The following PEPD variants were observed in gnomAD, a reference collection of about 807,000 sequenced individuals.
The protein encoded by PEPD is peptidase D.
A neutral mutation model predicts 60.7 loss-of-function variants in PEPD; 53 were observed. That is an observed-to-expected ratio of 0.87 (90% CI 0.70 to 1.10). The LOEUF is 1.10. Ranked by LOEUF, PEPD falls within the 50% of genes least tolerant of loss-of-function variation. The pLI is 0.00. For synonymous variants in PEPD, 267 were observed against 284.1 expected, an observed-to-expected ratio of 0.94 and a Z score of 0.60; for missense variants, 711 against 711.9, an observed-to-expected ratio of 1.00 and a Z score of 0.01.
rs767078682 is a variant in PEPD, at chr19:33,413,588, A to G, written c.727T>C (p.Cys243Arg). 1.9e-6 allele frequency: 3 copies of G among 1,578,030 alleles called. No homozygotes were observed. The highest frequency in any genetic ancestry group is 1.2e-5 in the South Asian group (1 of 86,312). ...RGGMRHSSYT[C>R]ICGSGENSAV... is the part of the protein sequence containing the mutation. ...TGCCCCGCTTACCTGCCGCAGATGC[A>G]GGTGTAGGAGCTGTGGCGCATGCCG... The change falls in exon 10 of 15, where the codon TGC becomes CGC. Residue 243 changes from cysteine (C) to arginine (R), a missense_variant. Coordinates refer to ENST00000244137, the MANE Select transcript of PEPD (RefSeq NM_000285.4).
intron 7 of PEPD, among the ~76,000 whole-genome samples, chr19:33,467,757 T>C (rs139183037): frequency 1.4e-3 from 206 of 152,282 alleles, no homozygotes; most frequent in African/African-American, 4.7e-3. Flanking sequence ...TAACCTAGCT[T>C]TCCCGTACTG....
chr19:33,466,470 C>T (rs940765544), intron 7 of PEPD, among the ~76,000 whole-genome samples: 1 of 152,186 alleles, frequency 6.6e-6, no homozygotes, highest in Non-Finnish European at 1.5e-5. Context: ...ATGTTTTAAA[C>T]TTCTATGGCT....
intron 3 of PEPD, among the ~76,000 whole-genome samples, chr19:33,504,773 A>G (rs1970768742): frequency 1.3e-5 from 2 of 151,646 alleles, no homozygotes; most frequent in African/African-American, 2.4e-5. Context: ...AAAAAAAAAG[A>G]AAAAGAAATT....
chr19:33,387,241 T>C lies in PEPD; in HGVS notation c.*103A>G. Reference sequence around the variant, plus strand: ...AAATGCCGAAGCTGGGATCTGATTCTGGGTGCCGTCTCTCGCTACTGGAGT... The same window carrying C: ...AAATGCCGAAGCTGGGATCTGATTCCGGGTGCCGTCTCTCGCTACTGGAGT... On this transcript the variant is annotated 3_prime_UTR_variant, in exon 15 of 15. Transcript: ENST00000244137. The C allele has an allele frequency of 7.3e-7, 1 of 1,370,648 alleles. No individual in the cohort carries two copies. Among genetic ancestry groups the C allele is most frequent in the South Asian group, 1.2e-5 (1 of 83,236 alleles). The allele number at this position is 1,370,648 out of a possible 1,614,324, so 84.9% of individuals were successfully genotyped here. A position where few individuals can be genotyped will look rare whatever the true frequency, so the allele number is the denominator to read the frequency against.
intron 9 of PEPD, among the ~76,000 whole-genome samples, chr19:33,430,311 C>T (rs531605445): frequency 9.1e-4 from 138 of 152,302 alleles, no homozygotes; most frequent in African/African-American, 3.2e-3. Flanking sequence ...CCCAAGGACA[C>T]GGTCAGTTTG....
chr19:33,387,481 C>T lies in PEPD; in HGVS notation c.1345G>A (p.Val449Ile), dbSNP rs1390186557. The stretch of plus-strand genomic sequence containing the variant: ...ACCACGACGTCCTCCTCGATGCGGA[C>T]CTGGGTCAAGCCGACAGACACACAT... ...VLQRFRGFGG[V>I]RIEEDVVVTD... Residue 449 changes from valine (V) to isoleucine (I), a missense_variant and splice_region_variant, in exon 15 of 15, where the codon GTC (valine) becomes ATC (isoleucine). Physicochemically the swap from Val to Ile is conservative, Grantham distance 29. Transcript: ENST00000244137. The T allele has an allele frequency of 1.2e-6, 2 of 1,613,584 alleles. No individual in the cohort carries two copies. Among genetic ancestry groups the T allele is most frequent in the South Asian group, 1.1e-5 (1 of 91,084 alleles).
Position 33,423,673 on chromosome 19 carries a change from A to G in PEPD, c.672-10030T>C, listed in dbSNP as rs373346410. 3.9e-5 allele frequency among the ~76,000 whole-genome samples: 6 copies of G among 152,306 alleles called. No individual in the cohort carries two copies. The South Asian group carries it at 1.2e-3, about 32-fold the overall frequency. On this transcript the variant is annotated intron_variant, in intron 9 of 14. Transcript: ENST00000244137. ...CCTTTTTTAAAAACTGCGAATGTTC[A>G]TCATTTTCTTATTGATCCTTAAGGG...
intron 6 of PEPD, among the ~76,000 whole-genome samples, chr19:33,488,240 T>A (rs964163850): frequency 6.6e-6 from 1 of 152,252 alleles, no homozygotes; most frequent in Middle Eastern, 3.4e-3. Flanking sequence ...TGGGATTTGC[T>A]GGGGTTTGCA....
intron 6 of PEPD, among the ~76,000 whole-genome samples, chr19:33,478,328 GC>G (rs1208665817): frequency 6.6e-6 from 1 of 152,102 alleles, no homozygotes; most frequent in Admixed American, 6.5e-5. Flanking sequence ...CAAAACACCA[GC>G]CCTGATCCCC....
At chr19:33,503,492 C>T (rs954959287) in intron 3 of PEPD, among the ~76,000 whole-genome samples, 17 of 152,288 alleles carry the variant, frequency 1.1e-4, no homozygotes, top group Admixed American at 6.5e-4. Flanking sequence ...GAATTGATGA[C>T]GAGCGCCTCG....
At chr19:33,463,307 G>A (rs1227762342) in intron 8 of PEPD, among the ~76,000 whole-genome samples, 1 of 152,228 alleles carries the variant, frequency 6.6e-6, no homozygotes, top group African/African-American at 2.4e-5. Flanking sequence ...GAGGCCACCA[G>A]CAGCCCGAGG....
chr19:33,461,873 T>C (rs1969932326), intron 9 of PEPD, among the ~76,000 whole-genome samples: 1 of 152,110 alleles, frequency 6.6e-6, no homozygotes, highest in South Asian at 2.1e-4. Flanking sequence ...TAACGTGTGT[T>C]ACACGGCCCC....
intron 7 of PEPD, among the ~76,000 whole-genome samples, chr19:33,466,819 A>G (rs1970027310): frequency 6.6e-6 from 1 of 152,116 alleles, no homozygotes; most frequent in Admixed American, 6.5e-5. Flanking sequence ...AACAGAGAAT[A>G]AACTAAAATA....
rs185449961 is a variant in PEPD, at chr19:33,485,684, C to T, written c.503+4312G>A. On this transcript the variant is annotated intron_variant, in intron 6 of 14. Transcript: ENST00000244137. The stretch of plus-strand genomic sequence containing the variant: ...ATTAATATTCCTGCATTAACAACCC[C>T]CAAATTCAGAATTTCATCTTTAACT... 9.2e-5 allele frequency among the ~76,000 whole-genome samples: 14 copies of T among 152,154 alleles called. No individual in the cohort carries two copies. The East Asian group carries it at 2.7e-3, about 29-fold the overall frequency.
At chr19:33,458,841 G>T in intron 9 of PEPD, among the ~76,000 whole-genome samples, 1 of 2,888 alleles carries the variant, frequency 3.5e-4, no homozygotes, top group South Asian at 6.6e-3. Context: ...AGGATGTGTG[G>T]TATGTGGTGT....
At chr19:33,430,337 C>T (rs1024972448) in intron 9 of PEPD, among the ~76,000 whole-genome samples, 14 of 152,156 alleles carry the variant, frequency 9.2e-5, no homozygotes, top group Non-Finnish European at 1.9e-4. Flanking sequence ...CGAGAGACGG[C>T]GAGGTAGGGT....
intron 9 of PEPD, among the ~76,000 whole-genome samples, chr19:33,419,334 C>T (rs1158718378): frequency 6.6e-6 from 1 of 152,216 alleles, no homozygotes; most frequent in Non-Finnish European, 1.5e-5. Context: ...TGATTCAATC[C>T]AGGCCCTGCT....
At chr19:33,456,211 C>T (rs1326931431) in intron 9 of PEPD, among the ~76,000 whole-genome samples, 1 of 152,176 alleles carries the variant, frequency 6.6e-6, no homozygotes, top group African/African-American at 2.4e-5. Flanking sequence ...TGGAGAGACT[C>T]TCCACACTCG....
intron 9 of PEPD, among the ~76,000 whole-genome samples, chr19:33,457,564 C>T (rs1311448937): frequency 5.3e-5 from 8 of 152,164 alleles, no homozygotes; most frequent in Non-Finnish European, 1.2e-4. Context: ...CTCTGTTGCC[C>T]AGGCTGGAAT....
Sources: gnomAD v4.1 joint callset for allele counts (sites outside exome capture counted in the v4.1 genomes callset) on GRCh38, gnomAD v4.1.1 for gene constraint, MANE v1.5 for transcripts, NCBI Gene and HGNC (gene_info 2026-07-23, HGNC 2026-07-21) for gene names.